Variants in VAT1L observed in about 807,000 individuals in gnomAD.
VAT1L encodes vesicle amine transport 1 like, also known as putative NADPH-dependent quinone oxidoreductase VAT1L.
Under a neutral mutation model 44.1 loss-of-function variants are expected in VAT1L, and 34 were observed. The observed-to-expected ratio is 0.77, with a 90% CI of 0.59 to 1.03. VAT1L has a LOEUF of 1.03. VAT1L is among the 50% of genes least tolerant of loss of function. The pLI is 0.00. For missense variants in VAT1L, 615 were observed against 538.8 expected, an observed-to-expected ratio of 1.14 and a Z score of -1.40; for synonymous variants, 253 against 202.2, an observed-to-expected ratio of 1.25 and a Z score of -2.13.
At position 77,977,675 on chromosome 16, in the gene VAT1L, C is replaced by T. The variant is rs759225662; in HGVS notation, c.1240C>T (p.Arg414Trp). Residue 414 changes from arginine (R) to tryptophan (W), a missense_variant, in exon 9 of 9, where the codon CGG (arginine) becomes TGG (tryptophan). Transcript: ENST00000302536. ...DHEGDSENKE[R>W]MPFIQ The stretch of plus-strand genomic sequence containing the variant: ...CGAGGGAGACAGCGAGAACAAGGAG[C>T]GGATGCCCTTTATCCAGTAACTGAG... 47 of 1,613,934 alleles carry T rather than the reference C, an allele frequency of 2.9e-5. No homozygotes were observed. Among genetic ancestry groups the T allele is most frequent in the East Asian group, 6.7e-5 (3 of 44,864 alleles).
At chr16:77,856,412 G>C (rs765548005) in intron 3 of VAT1L, among the ~76,000 whole-genome samples, 13 of 152,108 alleles carry the variant, frequency 8.5e-5, no homozygotes, top group Non-Finnish European at 1.6e-4. Flanking sequence ...TGGGTAAAAA[G>C]AATTTCAACT....
intron 1 of VAT1L, among the ~76,000 whole-genome samples, chr16:77,793,764 G>C (rs1055588292): frequency 6.6e-6 from 1 of 152,320 alleles, no homozygotes; most frequent in South Asian, 2.1e-4. Context: ...TCCATTGGCT[G>C]ATCTGAAAAT....
Position 77,977,692 on chromosome 16 carries a change from G to C in VAT1L, c.1257G>C (p.Gln419His). The C allele has an allele frequency of 6.2e-7, 1 of 1,613,752 alleles. No homozygotes were observed. The highest frequency in any genetic ancestry group is 8.5e-7 in the Non-Finnish European group (1 of 1,179,854). Residue 419 changes from glutamine to histidine, a missense_variant, in exon 9 of 9, where the codon CAG becomes CAC. Physicochemically the swap from Gln to His is conservative, Grantham distance 24. Transcript: ENST00000302536. Reference protein sequence around the residue: ...SENKERMPFIQ With the variant: ...SENKERMPFIH ...ACAAGGAGCGGATGCCCTTTATCCAGTAACTGAGGACCCAGGTGGGAGAAT... is the reference window on the plus strand; with the variant it reads ...ACAAGGAGCGGATGCCCTTTATCCACTAACTGAGGACCCAGGTGGGAGAAT...
At chr16:77,835,271 G>A (rs2016626915) in intron 3 of VAT1L, among the ~76,000 whole-genome samples, 2 of 152,236 alleles carry the variant, frequency 1.3e-5, no homozygotes, top group South Asian at 4.2e-4. Context: ...CATTCCCAGT[G>A]ATCTTGTAAA....
chr16:77,865,732 G>A (rs913987511), intron 4 of VAT1L, among the ~76,000 whole-genome samples: 3 of 152,124 alleles, frequency 2.0e-5, no homozygotes, highest in African/African-American at 4.8e-5. Context: ...GGATGCCATG[G>A]GCTAGGATCC....
intron 1 of VAT1L, among the ~76,000 whole-genome samples, chr16:77,807,867 C>T (rs1436359860): frequency 6.6e-6 from 1 of 152,122 alleles, no homozygotes; most frequent in Non-Finnish European, 1.5e-5. Flanking sequence ...AAAGCTAAAG[C>T]TAAAGATCTA....
At position 77,846,693 on chromosome 16, in the gene VAT1L, T is replaced by C. The variant is rs1382127655; in HGVS notation, c.580-16055T>C. On this transcript the variant is annotated intron_variant, in intron 3 of 8. Coordinates refer to ENST00000302536, the MANE Select transcript of VAT1L (RefSeq NM_020927.3). ...TATAATACTATAACACCATAATTTCTTGTCAGATAGTTGGTTAAAAGGAAT... is the reference window on the plus strand; with the variant it reads ...TATAATACTATAACACCATAATTTCCTGTCAGATAGTTGGTTAAAAGGAAT... Among the ~76,000 whole-genome samples, 4 of 152,208 alleles carry C rather than the reference T, an allele frequency of 2.6e-5. No individual in the cohort carries two copies. The East Asian group carries it at 7.7e-4, about 29-fold the overall frequency.
At chr16:77,857,122 G>A (rs1020066869) in intron 3 of VAT1L, among the ~76,000 whole-genome samples, 11 of 152,154 alleles carry the variant, frequency 7.2e-5, no homozygotes, top group East Asian at 1.9e-4. Flanking sequence ...GAATTCTTAC[G>A]TTCAAAAGAA....
chr16:77,833,479 G>T (rs189234102), intron 3 of VAT1L, among the ~76,000 whole-genome samples: 1 of 151,528 alleles, frequency 6.6e-6, no homozygotes, highest in East Asian at 2.0e-4. Context: ...TGGGCTGGGC[G>T]TGGTGGCTTA....
At chr16:77,948,656 C>T (rs1597116261) in intron 7 of VAT1L, among the ~76,000 whole-genome samples, 3 of 152,122 alleles carry the variant, frequency 2.0e-5, no homozygotes, top group Non-Finnish European at 4.4e-5. Context: ...TCCTTCATTG[C>T]CTTCCCTTTC....
chr16:77,830,830 C>T (rs540319987), intron 3 of VAT1L, among the ~76,000 whole-genome samples: 3 of 152,176 alleles, frequency 2.0e-5, no homozygotes, highest in Admixed American at 6.5e-5. Flanking sequence ...ATTACAGGCC[C>T]GAGCCACCAT....
Position 77,862,746 on chromosome 16 carries a change from A to G in VAT1L, c.580-2A>G, listed in dbSNP as rs1462939998. The G allele has an allele frequency of 6.2e-7, 1 of 1,612,274 alleles. No homozygotes were observed. The highest frequency in any genetic ancestry group is 8.5e-7 in the Non-Finnish European group (1 of 1,179,442). ...GACATAGCTATTGTCTTTTCCTTCC[A>G]GGGTCAAGCTGTGGCTCAGCTGTGT... On this transcript the variant is annotated splice_acceptor_variant, in intron 3 of 8. Transcript: ENST00000302536. LOFTEE classifies it high-confidence loss of function.
At chr16:77,915,179 T>C (rs558944615) in intron 7 of VAT1L, among the ~76,000 whole-genome samples, 1 of 152,264 alleles carries the variant, frequency 6.6e-6, no homozygotes, top group South Asian at 2.1e-4. Context: ...CAAATTGTGA[T>C]TGAATCGTAA....
At chr16:77,791,353 G>C (rs1381213972) in intron 1 of VAT1L, among the ~76,000 whole-genome samples, 1 of 152,140 alleles carries the variant, frequency 6.6e-6, no homozygotes, top group African/African-American at 2.4e-5. Context: ...ATTTGAACCA[G>C]TATTAGACAG....
chr16:77,789,835 G>C lies in VAT1L; in HGVS notation c.233+920G>C, dbSNP rs143197941. On this transcript the variant is annotated intron_variant, in intron 1 of 8. Transcript: ENST00000302536. Reference sequence around the variant, plus strand: ...CGCTCAGCTGAAATTCCCGGGGAGAGTTTAAGCCTCTCTGTGTGCGGGCAC... The same window carrying C: ...CGCTCAGCTGAAATTCCCGGGGAGACTTTAAGCCTCTCTGTGTGCGGGCAC... 6.7e-3 allele frequency among the ~76,000 whole-genome samples: 1,016 copies of C among 152,260 alleles called. 5 individuals are homozygous for C. The highest frequency in any genetic ancestry group is 0.02 in the Middle Eastern group (6 of 294).
intron 7 of VAT1L, among the ~76,000 whole-genome samples, chr16:77,898,170 C>G (rs2017344315): frequency 6.6e-6 from 1 of 152,116 alleles, no homozygotes; most frequent in African/African-American, 2.4e-5. Context: ...CTCCAAAATT[C>G]CCCCACTTTA....
intron 7 of VAT1L, among the ~76,000 whole-genome samples, chr16:77,896,045 A>T (rs1182136874): frequency 6.6e-6 from 1 of 152,222 alleles, no homozygotes; most frequent in Non-Finnish European, 1.5e-5. Flanking sequence ...GGCTGAGCAC[A>T]GAGTGATGGG....
chr16:77,907,795 C>G (rs996489958), intron 7 of VAT1L, among the ~76,000 whole-genome samples: 1 of 152,116 alleles, frequency 6.6e-6, no homozygotes, highest in East Asian at 1.9e-4. Flanking sequence ...TAGATTTACC[C>G]CTGAGCTAGG....
chr16:77,870,293 C>G (rs543614092), intron 4 of VAT1L, among the ~76,000 whole-genome samples: 2 of 152,212 alleles, frequency 1.3e-5, no homozygotes, highest in Middle Eastern at 3.4e-3. Flanking sequence ...GCCAGGCACT[C>G]GGAAATAGTC....
Sources: allele counts gnomAD v4.1 joint callset (sites outside exome capture counted in the v4.1 genomes callset), GRCh38; gene constraint gnomAD v4.1.1; transcripts MANE v1.5; gene names NCBI Gene and HGNC (gene_info 2026-07-23, HGNC 2026-07-21).